BZW2: variants seen among roughly 807,000 people sequenced by gnomAD.
The protein encoded by BZW2 is eIF5-mimic protein 1.
A neutral mutation model predicts 53.2 loss-of-function variants in BZW2; 23 were observed. The ratio of observed to expected loss-of-function variants is 0.43; its 90% confidence interval spans 0.31 to 0.61. BZW2 has a LOEUF of 0.61. Among genes scored for constraint, BZW2 ranks in the 20% least tolerant of loss-of-function variants. BZW2 has a pLI of 0.09. For synonymous variants in BZW2, 227 were observed against 186.4 expected (o/e 1.22, Z -1.77); for missense variants, 409 against 503.1 (o/e 0.81, Z 1.79).
chr7:16,701,090 G>A (rs1007479070), intron 10 of BZW2, among the ~76,000 whole-genome samples: 2 of 151,992 alleles, frequency 1.3e-5, no homozygotes, highest in African/African-American at 4.8e-5. Flanking sequence ...AATAACAGTG[G>A]AATAAAAGCA....
intron 10 of BZW2, among the ~76,000 whole-genome samples, chr7:16,702,928 C>G (rs1329281252): frequency 6.6e-6 from 1 of 152,096 alleles, no homozygotes; most frequent in Non-Finnish European, 1.5e-5. Context: ...AAGACATGAT[C>G]CAAACAGTTT....
intron 1 of BZW2, among the ~76,000 whole-genome samples, chr7:16,650,072 T>G (rs1466033584): frequency 6.6e-6 from 1 of 152,228 alleles, no homozygotes; most frequent in Non-Finnish European, 1.5e-5. Context: ...TTTTCTATAC[T>G]TGGAGTTTCG....
chr7:16,667,400 T>C (rs1481217837), intron 2 of BZW2, among the ~76,000 whole-genome samples: 2 of 151,960 alleles, frequency 1.3e-5, no homozygotes, highest in African/African-American at 4.8e-5. Flanking sequence ...CTGAAAAATA[T>C]TTAAGGAAGT....
intron 1 of BZW2, among the ~76,000 whole-genome samples, chr7:16,650,768 G>A (rs752982555): frequency 6.6e-6 from 1 of 152,084 alleles, no homozygotes; most frequent in African/African-American, 2.4e-5. Context: ...AGGCCATGGC[G>A]CTCTTTAGCA....
At chr7:16,704,397 C>A in intron 10 of BZW2, 150 bp from the exon 11 acceptor site, 1 of 753,956 alleles carries the variant, frequency 1.3e-6, no homozygotes, top group Non-Finnish European at 2.0e-6. Context: ...CACTATGCTA[C>A]ATGAAAATCA....
chr7:16,662,067 T>C (rs930182713), intron 1 of BZW2: 1 of 152,148 alleles, frequency 6.6e-6, no homozygotes, highest in African/African-American at 2.4e-5. Context: ...TTGCTTCTCT[T>C]AGGCCAGGGC....
chr7:16,705,938 G>A (rs1373928364), intron 11 of BZW2, 122 bp from the exon 12 acceptor site: 1 of 1,043,726 alleles, frequency 9.6e-7, no homozygotes, highest in African/African-American at 1.6e-5. Context: ...ACCTTATAAT[G>A]GGTGCCTAGG....
chr7:16,673,008 C>T (rs957061784), intron 2 of BZW2, among the ~76,000 whole-genome samples: 10 of 151,824 alleles, frequency 6.6e-5, no homozygotes, highest in East Asian at 1.9e-4. Flanking sequence ...TGCAATGGCG[C>T]GATCTTGGCT....
intron 3 of BZW2, among the ~76,000 whole-genome samples, chr7:16,679,025 G>A (rs114076463): frequency 5.5e-4 from 84 of 152,182 alleles, no homozygotes; most frequent in African/African-American, 1.8e-3. Context: ...TCCATGTCCC[G>A]CTGGGCACAC....
At chr7:16,694,482 A>G (rs1278382338) in intron 7 of BZW2, among the ~76,000 whole-genome samples, 2 of 152,112 alleles carry the variant, frequency 1.3e-5, no homozygotes, top group East Asian at 3.9e-4. Flanking sequence ...TTTTAAAGCC[A>G]CCAGGTCCCC....
Position 16,665,485 on chromosome 7 carries a change from CA to C in BZW2, c.46del (p.Thr16LeufsTer33), listed in dbSNP as rs1782394821. On this transcript the variant is annotated frameshift_variant, in exon 2 of 12. Coordinates refer to ENST00000258761, the MANE Select transcript of BZW2 (RefSeq NM_014038.3). LOFTEE classifies it high-confidence loss of function. The stretch of plus-strand genomic sequence containing the variant: ...AGCCAGTGCTAACAGGCCAGCGGTT[CA>C]AAACTCGGAAAAGGGGTAGGTTGTG... ...QKPVLTGQRFKTRKRDEKEKF... is the reference protein window; with the variant it reads ...QKPVLTGQRFXTRKRDEKEKF... 6.2e-7 allele frequency: 1 copy of C among 1,613,382 alleles called. No homozygotes were observed. Among genetic ancestry groups the C allele is most frequent in the African/African-American group, 1.3e-5 (1 of 74,522 alleles).
chr7:16,678,148 C>T (rs1016339751), intron 3 of BZW2, among the ~76,000 whole-genome samples: 83 of 137,990 alleles, frequency 6.0e-4, no homozygotes, highest in African/African-American at 2.1e-3. Flanking sequence ...TGGCTCACTG[C>T]AACTTCCGCC....
At chr7:16,685,195 G>A (rs2293395) in intron 5 of BZW2, among the ~76,000 whole-genome samples, 12 of 152,098 alleles carry the variant, frequency 7.9e-5, no homozygotes, top group Non-Finnish European at 1.5e-4. Context: ...TGGGTTTTTC[G>A]TTTTATTTGC....
At chr7:16,690,449 C>T (rs1304107142) in intron 7 of BZW2, among the ~76,000 whole-genome samples, 2 of 152,284 alleles carry the variant, frequency 1.3e-5, no homozygotes, top group Admixed American at 1.3e-4. Flanking sequence ...AAGTAATCCG[C>T]CCACCTCAGC....
intron 3 of BZW2, among the ~76,000 whole-genome samples, chr7:16,679,320 C>G (rs1461806029): frequency 2.0e-5 from 3 of 152,178 alleles, no homozygotes; most frequent in Non-Finnish European, 1.5e-5. Context: ...TCCATGAAAT[C>G]TTCACAATTT....
At chr7:16,647,245 A>G (rs1210940011) in intron 1 of BZW2, among the ~76,000 whole-genome samples, 1 of 152,214 alleles carries the variant, frequency 6.6e-6, no homozygotes, top group African/African-American at 2.4e-5. Flanking sequence ...GTTTCCCTAC[A>G]GAGTAGTATT....
chr7:16,667,878 G>GC (rs754093602), intron 2 of BZW2, among the ~76,000 whole-genome samples: 14 of 152,108 alleles, frequency 9.2e-5, no homozygotes, highest in Non-Finnish European at 1.0e-4. Flanking sequence ...TACAAATTGT[G>GC]CCCCACTACA....
chr7:16,699,286 A>T (rs190434628), intron 10 of BZW2, among the ~76,000 whole-genome samples: 1 of 152,302 alleles, frequency 6.6e-6, no homozygotes, highest in African/African-American at 2.4e-5. Flanking sequence ...GGATTTAGTC[A>T]TAAGATAGCA....
chr7:16,675,459 T>G (rs1782736053), intron 3 of BZW2, among the ~76,000 whole-genome samples: 1 of 152,190 alleles, frequency 6.6e-6, no homozygotes, highest in Non-Finnish European at 1.5e-5. Context: ...AAACACTGCT[T>G]AAGCCAGCCT....
Sources: allele counts gnomAD v4.1 joint callset (sites outside exome capture counted in the v4.1 genomes callset), GRCh38; gene constraint gnomAD v4.1.1; transcripts MANE v1.5; gene names NCBI Gene and HGNC (gene_info 2026-07-23, HGNC 2026-07-21).